HMGXB4: variants seen among roughly 807,000 people sequenced by gnomAD.
HMGXB4 encodes HMG domain-containing protein 4.
HMGXB4 carries 27 observed loss-of-function variants against 63.9 expected under a neutral mutation model. The ratio of observed to expected loss-of-function variants is 0.42; its 90% CI spans 0.31 to 0.58. The LOEUF (loss-of-function observed/expected upper bound fraction) is 0.58. Ranked by LOEUF, HMGXB4 falls within the 20% of genes least tolerant of loss-of-function variation. HMGXB4 has a pLI of 0.13. For missense variants in HMGXB4, 624 were observed against 700.7 expected (o/e 0.89, Z 1.24); for synonymous variants, 264 against 265.3 (o/e 0.99, Z 0.05).
At position 35,283,229 on chromosome 22, in the gene HMGXB4, G is replaced by A. The variant is rs531371712; in HGVS notation, c.1216-733G>A. On this transcript the variant is annotated intron_variant, in intron 5 of 10. Transcript: ENST00000216106. Reference sequence around the variant, plus strand: ...TACAAGATTAGAAATCAAAACCAGAGAAGCAAAAAGAACATAGATTTGGCT... The same window carrying A: ...TACAAGATTAGAAATCAAAACCAGAAAAGCAAAAAGAACATAGATTTGGCT... Among the ~76,000 whole-genome samples the A allele has an allele frequency of 3.9e-5, 6 of 152,332 alleles. No homozygotes were observed. In the East Asian group the frequency reaches 1.2e-3, roughly 29 times the overall value.
chr22:35,251,832 A>G, the HMGXB4 span, among the ~76,000 whole-genome samples: 2 of 151,940 alleles, frequency 1.3e-5, no homozygotes, highest in African/African-American at 4.8e-5. Context: ...CACATCTGCC[A>G]CCTCCCAAAG....
At chr22:35,290,162 C>G (rs899924651) in intron 9 of HMGXB4, among the ~76,000 whole-genome samples, 8 of 152,240 alleles carry the variant, frequency 5.3e-5, no homozygotes, top group East Asian at 1.9e-4. Flanking sequence ...ATCATTCTTA[C>G]GTTTCGTAAG....
At chr22:35,291,268 AAAAAAT>A (rs1431153116) in intron 9 of HMGXB4, among the ~76,000 whole-genome samples, 7 of 152,130 alleles carry the variant, frequency 4.6e-5, no homozygotes, top group Non-Finnish European at 8.8e-5. Context: ...CCTGTCTCAA[AAAAAAT>A]AAAAATAAAA....
chr22:35,279,757 A>G (rs1924135146), intron 5 of HMGXB4, among the ~76,000 whole-genome samples: 1 of 121,514 alleles, frequency 8.2e-6, no homozygotes, highest in African/African-American at 3.2e-5. Flanking sequence ...TCTTTTCTTC[A>G]TTGTATTGTC....
At chr22:35,286,307 A>C (rs1377397775) in intron 7 of HMGXB4, among the ~76,000 whole-genome samples, 4 of 152,262 alleles carry the variant, frequency 2.6e-5, no homozygotes, top group South Asian at 2.1e-4. Flanking sequence ...CATTTGAGCC[A>C]AAAGATGACC....
Position 35,263,137 on chromosome 22 carries a change from C to T in HMGXB4, c.91C>T (p.Arg31Ter). Reference protein sequence around the residue: ...DIGLAAGRSQREKKRSYKDFL... With the variant: ...DIGLAAGRSQ The stretch of plus-strand genomic sequence containing the variant: ...AGGACTTGCAGCTGGCCGAAGCCAA[C>T]GAGAGAAAAAACGTTCTTACAAAGA... Residue 31 changes from arginine (R) to a stop codon, truncating the protein, a stop_gained, in exon 3 of 11, where the codon CGA becomes TGA. Transcript: ENST00000216106. LOFTEE classifies it high-confidence loss of function. The T allele has an allele frequency of 2.5e-6, 4 of 1,613,578 alleles. No homozygotes were observed. The highest frequency in any genetic ancestry group is 2.2e-5 in the East Asian group (1 of 44,870).
chr22:35,271,873 C>T (rs1019512607), intron 5 of HMGXB4, among the ~76,000 whole-genome samples: 1 of 152,148 alleles, frequency 6.6e-6, no homozygotes, highest in Non-Finnish European at 1.5e-5. Context: ...TGTGTGTGCT[C>T]TAGAGGTAAA....
chr22:35,241,893 A>C, the HMGXB4 span, among the ~76,000 whole-genome samples: 143,220 of 151,976 alleles, frequency 0.94, 67,533 homozygotes, highest in Admixed American at 0.96. Flanking sequence ...TGCAAGCCTC[A>C]GCACGCTGCT....
chr22:35,251,833 C>T, the HMGXB4 span, among the ~76,000 whole-genome samples: 1 of 152,138 alleles, frequency 6.6e-6, no homozygotes, highest in East Asian at 1.9e-4. Context: ...ACATCTGCCA[C>T]CTCCCAAAGT....
At chr22:35,284,757 G>A (rs978443153) in intron 6 of HMGXB4, among the ~76,000 whole-genome samples, 8 of 152,186 alleles carry the variant, frequency 5.3e-5, no homozygotes, top group African/African-American at 1.9e-4. Flanking sequence ...GTCAGGGACT[G>A]TATTTGTCTC....
Position 35,265,254 on chromosome 22 carries a change from C to G in HMGXB4, c.866C>G (p.Pro289Arg), listed in dbSNP as rs1282870567. Reference protein sequence around the residue: ...SANLDLSGLEPILVESDSSSG... With the variant: ...SANLDLSGLERILVESDSSSG... ...AACCTTGATCTTTCAGGGCTTGAAC[C>G]TATTCTGGTAGAATCAGACTCATCC... is the stretch of plus-strand genomic sequence containing the variant. Residue 289 changes from proline to arginine, a missense_variant, in exon 5 of 11, where the codon CCT becomes CGT. Physicochemically the swap from Pro to Arg is moderately radical, Grantham distance 103 (BLOSUM62 -2). Around this residue, in one of 2 missense-constraint regions of HMGXB4, gnomAD observed 472 missense variants for 470.6 expected, o/e 1.00. Transcript: ENST00000216106. 1 of 1,614,082 alleles carries G rather than the reference C, an allele frequency of 6.2e-7. No individual in the cohort carries two copies. Among genetic ancestry groups the G allele is most frequent in the South Asian group, 1.1e-5 (1 of 91,074 alleles).
the HMGXB4 span, among the ~76,000 whole-genome samples, chr22:35,243,801 C>T: frequency 6.6e-6 from 1 of 152,218 alleles, no homozygotes; most frequent in East Asian, 1.9e-4. Context: ...ACCTTGGCCT[C>T]CCAAAGTGCT....
the HMGXB4 span, among the ~76,000 whole-genome samples, chr22:35,241,708 G>A: frequency 6.6e-6 from 1 of 152,180 alleles, no homozygotes; most frequent in Non-Finnish European, 1.5e-5. Flanking sequence ...CTCCACTGGG[G>A]GCGTGTGTTC....
At chr22:35,247,810 A>G in the HMGXB4 span, among the ~76,000 whole-genome samples, 4 of 152,122 alleles carry the variant, frequency 2.6e-5, no homozygotes, top group African/African-American at 9.7e-5. Flanking sequence ...TGTTACTCCA[A>G]CTTAGCTGGA....
the HMGXB4 span, among the ~76,000 whole-genome samples, chr22:35,248,725 C>A: frequency 6.6e-6 from 1 of 152,070 alleles, no homozygotes; most frequent in Non-Finnish European, 1.5e-5. Flanking sequence ...TTTTAAACAA[C>A]CAGATCTCTA....
chr22:35,243,955 A>G, the HMGXB4 span, among the ~76,000 whole-genome samples: 49 of 152,326 alleles, frequency 3.2e-4, 2 homozygotes, highest in East Asian at 1.3e-3. Flanking sequence ...TGTATAAGAT[A>G]AACATTTTTC....
upstream of HMGXB4, among the ~76,000 whole-genome samples, chr22:35,252,591 C>T (rs1922235829): frequency 6.6e-6 from 1 of 152,260 alleles, no homozygotes; most frequent in African/African-American, 2.4e-5. Context: ...CCACGTTTAT[C>T]TATTTATCTG....
At chr22:35,274,450 A>G (rs1346938323) in intron 5 of HMGXB4, among the ~76,000 whole-genome samples, 1 of 152,222 alleles carries the variant, frequency 6.6e-6, no homozygotes, top group Non-Finnish European at 1.5e-5. Context: ...GAATTGGCAA[A>G]GCACAATCCT....
upstream of HMGXB4, among the ~76,000 whole-genome samples, chr22:35,252,543 C>A (rs548476564): frequency 6.6e-6 from 1 of 152,244 alleles, no homozygotes; most frequent in Non-Finnish European, 1.5e-5. Context: ...GGATTTCCCT[C>A]TTTTTAAGAC....
Sources: gnomAD v4.1 joint callset for allele counts (sites outside exome capture counted in the v4.1 genomes callset) on GRCh38, gnomAD v4.1.1 for gene constraint, gnomAD v4.1.1 regional missense constraint, MANE v1.5 for transcripts, NCBI Gene and HGNC (gene_info 2026-07-23, HGNC 2026-07-21) for gene names.